FAM181B: variants seen among roughly 807,000 people sequenced by gnomAD.
FAM181B encodes the protein protein FAM181B.
FAM181B carries 13 observed loss-of-function variants against 17.8 expected under a neutral mutation model. The ratio of observed to expected loss-of-function variants is 0.73; its 90% CI spans 0.48 to 1.16. The LOEUF (loss-of-function observed/expected upper bound fraction) is 1.16. Among genes scored for constraint, FAM181B ranks in the 50% most tolerant of loss-of-function variants. The probability of loss-of-function intolerance (pLI) is 0.00; values close to 1 mark genes in which losing one functional copy is unlikely to be tolerated. For missense variants in FAM181B, 725 were observed against 634.1 expected, an observed-to-expected ratio of 1.14 and a Z score of -1.54; for synonymous variants, 338 against 316.5, an observed-to-expected ratio of 1.07 and a Z score of -0.72.
In FAM181B at chr11:82,732,564, T is replaced by A. The variant is rs1343424176; in HGVS notation, c.1166A>T (p.His389Leu). The A allele has an allele frequency of 1.2e-6, 2 of 1,609,646 alleles. No homozygotes were observed. Among genetic ancestry groups the A allele is most frequent in the African/African-American group, 2.7e-5 (2 of 74,780 alleles). Reference protein sequence around the residue: ...DCALPPPPPPHQVSYDYSAGY... With the variant: ...DCALPPPPPPLQVSYDYSAGY... ...CGCGCTGTAATCGTAGGACACCTGATGGGGCGGCGGCGGCGGGGGCAGGGC... is the reference window on the plus strand; with the variant it reads ...CGCGCTGTAATCGTAGGACACCTGAAGGGGCGGCGGCGGCGGGGGCAGGGC... Residue 389 changes from histidine to leucine, a missense_variant, in exon 1 of 1, where the codon CAT becomes CTT. His to Leu is a moderately conservative substitution (Grantham distance 99, BLOSUM62 -3). Coordinates refer to ENST00000329203, the MANE Select transcript of FAM181B (RefSeq NM_175885.4).
chr11:82,733,087 G>C lies in FAM181B; in HGVS notation c.643C>G (p.Pro215Ala). The change falls in exon 1 of 1, where the codon CCA becomes GCA. Residue 215 changes from proline (P) to alanine (A), a missense_variant. Pro to Ala is a conservative substitution (Grantham distance 27). Transcript: ENST00000329203. ...CGCAGCGGGACCTTCCTGGCCCCTG[G>C]GATCGCCGTGGCCCCCGCGGGGCCT... ...VAGPAGATAIPGARKVPLRAR... is the reference protein window; with the variant it reads ...VAGPAGATAIAGARKVPLRAR... 6.6e-7 allele frequency: 1 copy of C among 1,504,264 alleles called. No individual in the cohort carries two copies. Among genetic ancestry groups the C allele is most frequent in the Non-Finnish European group, 8.8e-7 (1 of 1,137,106 alleles). The allele number at this position is 1,504,264 out of a possible 1,614,324, so 93.2% of individuals were successfully genotyped here.
At position 82,732,699 on chromosome 11, in the gene FAM181B, A is replaced by C. The variant is rs1857148590; in HGVS notation, c.1031T>G (p.Leu344Trp). The C allele has an allele frequency of 6.9e-7, 1 of 1,458,568 alleles. No homozygotes were observed. Among genetic ancestry groups the C allele is most frequent in the Non-Finnish European group, 9.1e-7 (1 of 1,104,424 alleles). 90.4% of individuals were successfully genotyped at this position (1,458,568 alleles called of 1,614,324 possible). A position where few individuals can be genotyped will look rare whatever the true frequency, so the allele number is the denominator to read the frequency against. The change falls in exon 1 of 1, where the codon TTG becomes TGG. Residue 344 changes from leucine to tryptophan, a missense_variant. Physicochemically the swap from Leu to Trp is moderately conservative, Grantham distance 61 (BLOSUM62 -2). Coordinates refer to ENST00000329203, the MANE Select transcript of FAM181B (RefSeq NM_175885.4). Reference protein sequence around the residue: ...KSPLTAPRGGLTLNEPLSPLY... With the variant: ...KSPLTAPRGGWTLNEPLSPLY... ...GGGGCTCAAGGGCTCGTTCAAGGTC[A>C]AGCCGCCGCGGGGGGCAGTCAGGGG...
chr11:82,733,756 C>G lies in FAM181B; in HGVS notation c.-27G>C. The G allele has an allele frequency of 7.6e-7, 1 of 1,315,046 alleles. No individual in the cohort carries two copies. The allele number at this position is 1,315,046 out of a possible 1,614,324, so 81.5% of individuals were successfully genotyped here. A position where few individuals can be genotyped will look rare whatever the true frequency, so the allele number is the denominator to read the frequency against. ...GCCGCGGCTCCCGGGCTGTCCGCAG[C>G]GCTGCCCGTGCGCCCCCGCCAGCTC... On this transcript the variant is annotated 5_prime_UTR_variant, in exon 1 of 1. Transcript: ENST00000329203.
chr11:82,731,744 GAAT>G lies in FAM181B; in HGVS notation c.*702_*704del, dbSNP rs1251258322. ...CAAGAAAAGCCGGCCGAAAGAAATA[GAAT>G]AATGAGAGGCCAGGCAAAGAAAGAA... is the stretch of plus-strand genomic sequence containing the variant. On this transcript the variant is annotated 3_prime_UTR_variant, in exon 1 of 1. Coordinates refer to ENST00000329203, the MANE Select transcript of FAM181B (RefSeq NM_175885.4). 1.3e-5 allele frequency: 2 copies of G among 152,214 alleles called. No individual in the cohort carries two copies. The highest frequency in any genetic ancestry group is 1.5e-5 in the Non-Finnish European group (1 of 68,056). The allele number at this position is 152,214 out of a possible 1,614,324, so 9.4% of individuals were successfully genotyped here. A position where few individuals can be genotyped will look rare whatever the true frequency, so the allele number is the denominator to read the frequency against.
In FAM181B at chr11:82,732,571, G is replaced by C. The variant is rs1348024807; in HGVS notation, c.1159C>G (p.Pro387Ala). ...TAATCGTAGGACACCTGATGGGGCGGCGGCGGCGGGGGCAGGGCGCAGTCT... is the reference window on the plus strand; with the variant it reads ...TAATCGTAGGACACCTGATGGGGCGCCGGCGGCGGGGGCAGGGCGCAGTCT... ...FPDCALPPPP[P>A]PHQVSYDYSA... The change falls in exon 1 of 1, where the codon CCG (proline) becomes GCG (alanine). Residue 387 changes from proline to alanine, a missense_variant. By Grantham distance (27) the Pro-to-Ala change is conservative. Coordinates refer to ENST00000329203, the MANE Select transcript of FAM181B (RefSeq NM_175885.4). 6.2e-7 allele frequency: 1 copy of C among 1,608,206 alleles called. No homozygotes were observed. The highest frequency in any genetic ancestry group is 1.3e-5 in the African/African-American group (1 of 74,798).
chr11:82,732,738 G>C lies in FAM181B; in HGVS notation c.992C>G (p.Pro331Arg). 1 of 1,457,566 alleles carries C rather than the reference G, an allele frequency of 6.9e-7. No individual in the cohort carries two copies. The highest frequency in any genetic ancestry group is 9.1e-7 in the Non-Finnish European group (1 of 1,103,732). 90.3% of individuals were successfully genotyped at this position (1,457,566 alleles called of 1,614,324 possible). A position where few individuals can be genotyped will look rare whatever the true frequency, so the allele number is the denominator to read the frequency against. The change falls in exon 1 of 1, where the codon CCG (proline) becomes CGG (arginine). Residue 331 changes from proline to arginine, a missense_variant. Transcript: ENST00000329203. ...PEPWSVPGCS[P>R]TKKSPLTAPR... ...GGCAGTCAGGGGGCTCTTTTTGGTCGGGGAGCAGCCCGGGACGCTCCAGGG... is the reference window on the plus strand; with the variant it reads ...GGCAGTCAGGGGGCTCTTTTTGGTCCGGGAGCAGCCCGGGACGCTCCAGGG...
Position 82,732,874 on chromosome 11 carries a change from G to A in FAM181B, c.856C>T (p.Pro286Ser), listed in dbSNP as rs1591002559. 1 of 1,537,470 alleles carries A rather than the reference G, an allele frequency of 6.5e-7. No homozygotes were observed. Among genetic ancestry groups the A allele is most frequent in the Non-Finnish European group, 8.7e-7 (1 of 1,143,490 alleles). The change falls in exon 1 of 1, where the codon CCT (proline) becomes TCT (serine). Residue 286 changes from proline (P) to serine (S), a missense_variant. Coordinates refer to ENST00000329203, the MANE Select transcript of FAM181B (RefSeq NM_175885.4). ...TEAAVLLAAE[P>S]LDVFPAGASV... The stretch of plus-strand genomic sequence containing the variant: ...GCTCCGGCGGGGAACACGTCGAGAG[G>A]CTCGGCGGCAAGCAAGACTGCCGCC...
Position 82,733,064 on chromosome 11 carries a change from C to A in FAM181B, c.666G>T (p.Leu222=). Residue 222 remains leucine, a synonymous_variant, in exon 1 of 1, where the codon CTG becomes CTT. Coordinates refer to ENST00000329203, the MANE Select transcript of FAM181B (RefSeq NM_175885.4). The part of the protein sequence containing the change: ...TAIPGARKVP[L]RARNLPPSFF... ...AGGACGGAGGCAGATTGCGTGCCCG[C>A]AGCGGGACCTTCCTGGCCCCTGGGA... 6.6e-7 allele frequency: 1 copy of A among 1,523,876 alleles called. No homozygotes were observed. 94.4% of individuals were successfully genotyped at this position (1,523,876 alleles called of 1,614,324 possible).
rs534100694 is a variant in FAM181B, at chr11:82,731,595, T to C, written c.*854A>G. 6.6e-6 allele frequency: 1 copy of C among 152,000 alleles called. No homozygotes were observed. The highest frequency in any genetic ancestry group is 1.5e-5 in the Non-Finnish European group (1 of 68,014). 9.4% of individuals were successfully genotyped at this position (152,000 alleles called of 1,614,324 possible). ...TCTTCACCCTCTCAGATCACGAAAA[T>C]TGATACAAAGAGGTTACAGTTTGCC... On this transcript the variant is annotated 3_prime_UTR_variant, in exon 1 of 1. Coordinates refer to ENST00000329203, the MANE Select transcript of FAM181B (RefSeq NM_175885.4).
rs1167146445 is a variant in FAM181B at position 82,732,763 on chromosome 11, G to C, written c.967C>G (p.Pro323Ala). 8 of 1,472,510 alleles carry C rather than the reference G, an allele frequency of 5.4e-6. No homozygotes were observed. The highest frequency in any genetic ancestry group is 1.8e-4 in the Middle Eastern group (1 of 5,522). The allele number at this position is 1,472,510 out of a possible 1,614,324, so 91.2% of individuals were successfully genotyped here. The change falls in exon 1 of 1, where the codon CCC becomes GCC. Residue 323 changes from proline (P) to alanine (A), a missense_variant. Pro to Ala is a conservative substitution (Grantham distance 27). Coordinates refer to ENST00000329203, the MANE Select transcript of FAM181B (RefSeq NM_175885.4). ...AVVGNLLYPE[P>A]WSVPGCSPTK... ...GGGGAGCAGCCCGGGACGCTCCAGGGCTCGGGGTACAGTAGGTTTCCCACC... is the reference window on the plus strand; with the variant it reads ...GGGGAGCAGCCCGGGACGCTCCAGGCCTCGGGGTACAGTAGGTTTCCCACC...
chr11:82,733,022 G>A lies in FAM181B; in HGVS notation c.708C>T (p.Ser236=). The A allele has an allele frequency of 6.5e-7, 1 of 1,542,790 alleles. No homozygotes were observed. Among genetic ancestry groups the A allele is most frequent in the Non-Finnish European group, 8.7e-7 (1 of 1,155,758 alleles). The change falls in exon 1 of 1, where the codon TCC becomes TCT. Residue 236 remains serine, a synonymous_variant. Transcript: ENST00000329203. ...GGCCACACCCGCCGCCGCCTGCCCG[G>A]GACGGCTCCGTGAAGAAGGACGGAG... is the stretch of plus-strand genomic sequence containing the variant. ...NLPPSFFTEP[S]RAGGGGCGPS... is the part of the protein sequence containing the mutation.
chr11:82,733,122 C>T lies in FAM181B; in HGVS notation c.608G>A (p.Gly203Glu), dbSNP rs1287121079. ...GGCCCCCGCGGGGCCTGCCACGTCC[C>T]CTCCCGCGCCCCCAGTGCCCGCACC... ...LGGAGTGGAGGDVAGPAGATA... is the reference protein window; with the variant it reads ...LGGAGTGGAGEDVAGPAGATA... The change falls in exon 1 of 1, where the codon GGG (glycine) becomes GAG (glutamate). Residue 203 changes from glycine to glutamate, a missense_variant. Transcript: ENST00000329203. The T allele has an allele frequency of 6.8e-7, 1 of 1,461,592 alleles. No homozygotes were observed. Among genetic ancestry groups the T allele is most frequent in the Non-Finnish European group, 9.0e-7 (1 of 1,116,148 alleles). The allele number at this position is 1,461,592 out of a possible 1,614,324, so 90.5% of individuals were successfully genotyped here.
In FAM181B at chr11:82,733,006, C is replaced by G; in HGVS notation, c.724G>C (p.Gly242Arg). ...FTEPSRAGGGGCGPSGPDVSL... is the reference protein window; with the variant it reads ...FTEPSRAGGGRCGPSGPDVSL... Reference sequence around the variant, plus strand: ...ACGTCCGGCCCCGACGGGCCACACCCGCCGCCGCCTGCCCGGGACGGCTCC... The same window carrying G: ...ACGTCCGGCCCCGACGGGCCACACCGGCCGCCGCCTGCCCGGGACGGCTCC... The change falls in exon 1 of 1, where the codon GGG (glycine) becomes CGG (arginine). Residue 242 changes from glycine to arginine, a missense_variant. Coordinates refer to ENST00000329203, the MANE Select transcript of FAM181B (RefSeq NM_175885.4). 6.5e-7 allele frequency: 1 copy of G among 1,546,104 alleles called. No homozygotes were observed. Among genetic ancestry groups the G allele is most frequent in the African/African-American group, 1.4e-5 (1 of 71,036 alleles).
chr11:82,732,665 G>A lies in FAM181B; in HGVS notation c.1065C>T (p.Pro355=). Residue 355 remains proline (P), a synonymous_variant, in exon 1 of 1, where the codon CCC becomes CCT. Coordinates refer to ENST00000329203, the MANE Select transcript of FAM181B (RefSeq NM_175885.4). ...TLNEPLSPLY[P]AAADSPGGED... is the part of the protein sequence containing the mutation. Reference sequence around the variant, plus strand: ...CCCCGCCGGGAGAATCCGCAGCGGCGGGGTACAGGGGGCTCAAGGGCTCGT... The same window carrying A: ...CCCCGCCGGGAGAATCCGCAGCGGCAGGGTACAGGGGGCTCAAGGGCTCGT... 6.8e-7 allele frequency: 1 copy of A among 1,480,390 alleles called. No homozygotes were observed. Among genetic ancestry groups the A allele is most frequent in the Non-Finnish European group, 9.0e-7 (1 of 1,114,674 alleles). The allele number at this position is 1,480,390 out of a possible 1,614,324, so 91.7% of individuals were successfully genotyped here. A position where few individuals can be genotyped will look rare whatever the true frequency, so the allele number is the denominator to read the frequency against.
chr11:82,733,789 CCG>C lies in FAM181B; in HGVS notation c.-62_-61del, dbSNP rs943621546. On this transcript the variant is annotated 5_prime_UTR_variant, in exon 1 of 1. Coordinates refer to ENST00000329203, the MANE Select transcript of FAM181B (RefSeq NM_175885.4). Reference sequence around the variant, plus strand: ...GTGCGCCCCCGCCAGCTCCTGCCCGCCGCCCAGACCCAGCTCCCGCCCCGGCG... The same window carrying C: ...GTGCGCCCCCGCCAGCTCCTGCCCGCCCCAGACCCAGCTCCCGCCCCGGCG... 15 of 1,211,474 alleles carry C rather than the reference CCG, an allele frequency of 1.2e-5. No individual in the cohort carries two copies. Among genetic ancestry groups the C allele is most frequent in the African/African-American group, 4.7e-5 (3 of 63,324 alleles). The allele number at this position is 1,211,474 out of a possible 1,614,324, so 75.0% of individuals were successfully genotyped here.
chr11:82,733,390 C>CG lies in FAM181B; in HGVS notation c.339dup (p.Gly114ArgfsTer20). On this transcript the variant is annotated frameshift_variant, in exon 1 of 1. Coordinates refer to ENST00000329203, the MANE Select transcript of FAM181B (RefSeq NM_175885.4). LOFTEE classifies it high-confidence loss of function. ...TCGGCGGCGCTCGGGGAGGGCGGGC[C>CG]GGGGGGCGCGGCGCCCATGAGGCCG... 2 of 1,111,258 alleles carry CG rather than the reference C, an allele frequency of 1.8e-6. No homozygotes were observed. Among genetic ancestry groups the CG allele is most frequent in the Non-Finnish European group, 1.3e-6 (1 of 793,364 alleles). The allele number at this position is 1,111,258 out of a possible 1,614,324, so 68.8% of individuals were successfully genotyped here. A position where few individuals can be genotyped will look rare whatever the true frequency, so the allele number is the denominator to read the frequency against.
At position 82,732,565 on chromosome 11, in the gene FAM181B, G is replaced by A. The variant is rs371988992; in HGVS notation, c.1165C>T (p.His389Tyr). 1 of 1,609,752 alleles carries A rather than the reference G, an allele frequency of 6.2e-7. No homozygotes were observed. Among genetic ancestry groups the A allele is most frequent in the Non-Finnish European group, 8.5e-7 (1 of 1,178,646 alleles). Residue 389 changes from histidine (H) to tyrosine (Y), a missense_variant, in exon 1 of 1, where the codon CAT becomes TAT. His to Tyr is a moderately conservative substitution (Grantham distance 83). Coordinates refer to ENST00000329203, the MANE Select transcript of FAM181B (RefSeq NM_175885.4). ...GCGCTGTAATCGTAGGACACCTGAT[G>A]GGGCGGCGGCGGCGGGGGCAGGGCG... ...DCALPPPPPP[H>Y]QVSYDYSAGY...
Position 82,732,823 on chromosome 11 carries a change from GCTC to G in FAM181B, c.904_906del (p.Glu302del). 1 of 1,524,434 alleles carries G rather than the reference GCTC, an allele frequency of 6.6e-7. No individual in the cohort carries two copies. The highest frequency in any genetic ancestry group is 8.8e-7 in the Non-Finnish European group (1 of 1,135,212). The allele number at this position is 1,524,434 out of a possible 1,614,324, so 94.4% of individuals were successfully genotyped here. A position where few individuals can be genotyped will look rare whatever the true frequency, so the allele number is the denominator to read the frequency against. ...GGCGGCTCAAAGAGGCCGGGCTCCA[GCTC>G]CGGGGGTCCCCGCAGTACGGAGGCT... On this transcript the variant is annotated inframe_deletion, in exon 1 of 1. Transcript: ENST00000329203.
rs1857138597 is a variant in FAM181B at position 82,732,229 on chromosome 11, C to T, written c.*220G>A. ...CTCTGGTCCAGTAAGAACCTACAAACGTGTTTGTTTGTTTTTGTTTTAACA... is the reference window on the plus strand; with the variant it reads ...CTCTGGTCCAGTAAGAACCTACAAATGTGTTTGTTTGTTTTTGTTTTAACA... On this transcript the variant is annotated 3_prime_UTR_variant, in exon 1 of 1. Transcript: ENST00000329203. 5.2e-6 allele frequency: 3 copies of T among 581,444 alleles called. No homozygotes were observed. The highest frequency in any genetic ancestry group is 3.3e-5 in the Admixed American group (1 of 30,076). 36.0% of individuals were successfully genotyped at this position (581,444 alleles called of 1,614,324 possible). A position where few individuals can be genotyped will look rare whatever the true frequency, so the allele number is the denominator to read the frequency against.
Sources: gnomAD v4.1 joint callset for allele counts on GRCh38, gnomAD v4.1.1 for gene constraint, MANE v1.5 for transcripts, NCBI Gene and HGNC (gene_info 2026-07-23, HGNC 2026-07-21) for gene names.